TCTN1: variants seen among roughly 807,000 people sequenced by gnomAD.
The protein encoded by TCTN1 is tectonic-1.
TCTN1 carries 58 observed loss-of-function variants against 65.8 expected under a neutral mutation model. The ratio of observed to expected loss-of-function variants is 0.88; its 90% confidence interval spans 0.71 to 1.10. The LOEUF (loss-of-function observed/expected upper bound fraction) is 1.10. Ranked by LOEUF, TCTN1 falls within the 50% of genes least tolerant of loss-of-function variation. TCTN1 has a pLI of 0.00. For missense variants in TCTN1, 645 were observed against 719.4 expected, an observed-to-expected ratio of 0.90 and a Z score of 1.18; for synonymous variants, 273 against 289.1, an observed-to-expected ratio of 0.94 and a Z score of 0.57.
chr12:110,634,106 A>G (rs755160404), intron 5 of TCTN1, among the ~76,000 whole-genome samples: 8 of 152,224 alleles, frequency 5.3e-5, no homozygotes, highest in Non-Finnish European at 1.0e-4. Context: ...AGTAAACAAA[A>G]TGAGGGGCAG....
At chr12:110,628,401 C>T (rs866897922) in intron 3 of TCTN1, among the ~76,000 whole-genome samples, 29 of 148,828 alleles carry the variant, frequency 1.9e-4, no homozygotes, top group African/African-American at 4.7e-4. Context: ...AGTGCAGTGG[C>T]GCTATCTCAG....
chr12:110,645,187 A>G (rs2067216595), intron 12 of TCTN1, 58 bp downstream of exon 12: 11 of 1,605,248 alleles, frequency 6.9e-6, no homozygotes, highest in African/African-American at 4.0e-5. Flanking sequence ...AGGTGGTGTG[A>G]TGAAGGCAGC....
rs756339282 is a variant in TCTN1, at chr12:110,644,652, TG to T, written c.1332-312del. The T allele has an allele frequency of 2.2e-5, 8 of 366,800 alleles. No homozygotes were observed. The highest frequency in any genetic ancestry group is 4.2e-5 in the Non-Finnish European group (8 of 191,306). 22.7% of individuals were successfully genotyped at this position (366,800 alleles called of 1,614,324 possible). On this transcript the variant is annotated intron_variant, in intron 11 of 14. Coordinates refer to ENST00000397659, the MANE Select transcript of TCTN1 (RefSeq NM_001082538.3). This position sits in a 1 kb window ranked among gnomAD's most constrained non-coding sequence, Gnocchi z 4.6. ...AAGATTGCCTCACTGTACTCCAGCC[TG>T]GGCAACAGAGCAAACTCCATCTCAA...
chr12:110,618,564 A>G (rs1216739266), intron 1 of TCTN1, among the ~76,000 whole-genome samples: 1 of 152,030 alleles, frequency 6.6e-6, no homozygotes, highest in African/African-American at 2.4e-5. Context: ...TAATAGAGAC[A>G]GGGTTTAACC....
At chr12:110,620,966 C>T (rs1004593556) in intron 2 of TCTN1, among the ~76,000 whole-genome samples, 1 of 152,048 alleles carries the variant, frequency 6.6e-6, no homozygotes, top group South Asian at 2.1e-4. Context: ...GTGCACGCCA[C>T]GATGCCTGGC....
At position 110,640,312 on chromosome 12, in the gene TCTN1, A is replaced by C. The variant is rs2066868864; in HGVS notation, c.844-71A>C. ...CATATATCAGGGGAGGTTTCTTTCC[A>C]GTTGGTTGGTTATTTTAGCCCATCC... On this transcript the variant is annotated intron_variant, in intron 7 of 14. Transcript: ENST00000397659. This position sits in a 1 kb window ranked among gnomAD's most constrained non-coding sequence, Gnocchi z 4.9. The C allele has an allele frequency of 6.2e-7, 1 of 1,603,834 alleles. No homozygotes were observed. The highest frequency in any genetic ancestry group is 1.7e-5 in the Admixed American group (1 of 59,686).
chr12:110,647,297 C>T lies in TCTN1; in HGVS notation c.1596C>T (p.Val532=), dbSNP rs1480734399. The T allele has an allele frequency of 6.2e-7, 1 of 1,614,058 alleles. No homozygotes were observed. Among genetic ancestry groups the T allele is most frequent in the African/African-American group, 1.3e-5 (1 of 74,926 alleles). The change falls in exon 13 of 15, where the codon GTC becomes GTT. Residue 532 remains valine, a synonymous_variant. Coordinates refer to ENST00000397659, the MANE Select transcript of TCTN1 (RefSeq NM_001082538.3). The part of the protein sequence containing the change: ...GSLLNPQAKI[V]NVTANLISSS... ...TGCTGAATCCACAGGCCAAAATAGTCAATGTAACTGCAAATCTAATTTCAT... is the reference window on the plus strand; with the variant it reads ...TGCTGAATCCACAGGCCAAAATAGTTAATGTAACTGCAAATCTAATTTCAT...
At chr12:110,622,896 G>A (rs1031052797) in intron 2 of TCTN1, among the ~76,000 whole-genome samples, 3 of 152,134 alleles carry the variant, frequency 2.0e-5, no homozygotes, top group East Asian at 1.9e-4. Context: ...TTGCAGATGC[G>A]GATTAACGGT....
chr12:110,631,846 T>G (rs2066258555), intron 4 of TCTN1, among the ~76,000 whole-genome samples: 1 of 152,176 alleles, frequency 6.6e-6, no homozygotes, highest in Admixed American at 6.5e-5. Flanking sequence ...AATTTAAATA[T>G]TGATACCAGA....
At chr12:110,617,888 C>T (rs1188665586) in intron 1 of TCTN1, among the ~76,000 whole-genome samples, 4 of 152,088 alleles carry the variant, frequency 2.6e-5, no homozygotes, top group African/African-American at 7.2e-5. Context: ...ATCCACCTGC[C>T]TCAGCCTCCC....
rs894310089 is a variant in TCTN1 at position 110,644,756 on chromosome 12, G to A, written c.1332-211G>A. On this transcript the variant is annotated intron_variant, in intron 11 of 14. Coordinates refer to ENST00000397659, the MANE Select transcript of TCTN1 (RefSeq NM_001082538.3). This position sits in a 1 kb window ranked among gnomAD's most constrained non-coding sequence, Gnocchi z 4.6. Reference sequence around the variant, plus strand: ...GGGCTGGGTGTGGTGGCTCACTCCTGTAGTCCCAGCACTCTGGGAGGATTG... The same window carrying A: ...GGGCTGGGTGTGGTGGCTCACTCCTATAGTCCCAGCACTCTGGGAGGATTG... The A allele has an allele frequency of 1.3e-5, 8 of 625,282 alleles. No homozygotes were observed. The highest frequency in any genetic ancestry group is 2.7e-5 in the Admixed American group (1 of 36,934). 38.7% of individuals were successfully genotyped at this position (625,282 alleles called of 1,614,324 possible).
At chr12:110,617,729 C>T (rs1363880852) in intron 1 of TCTN1, among the ~76,000 whole-genome samples, 4 of 151,816 alleles carry the variant, frequency 2.6e-5, no homozygotes, top group Admixed American at 2.6e-4. Context: ...CAAACTCTGC[C>T]TCCTGGGTTC....
At chr12:110,632,395 C>A in intron 4 of TCTN1, 77 bp from the exon 5 acceptor site, 1 of 1,475,576 alleles carries the variant, frequency 6.8e-7, no homozygotes, top group Non-Finnish European at 9.5e-7. Context: ...TGCTGCTTGG[C>A]ACATTGTGGG....
chr12:110,627,327 C>T (rs1263562099), intron 3 of TCTN1, among the ~76,000 whole-genome samples: 1 of 152,076 alleles, frequency 6.6e-6, no homozygotes, highest in Non-Finnish European at 1.5e-5. Flanking sequence ...AAACTCCTGA[C>T]CTTAAATGAT....
At chr12:110,632,427 A>G (rs2066294744) in intron 4 of TCTN1, 45 bp from the exon 5 acceptor site, 2 of 1,604,182 alleles carry the variant, frequency 1.2e-6, no homozygotes, top group South Asian at 1.1e-5. Context: ...TGTTGAATGA[A>G]TACTTTAATT....
intron 4 of TCTN1, chr12:110,630,053 T>C (rs1180680480): frequency 1.3e-5 from 2 of 151,914 alleles, no homozygotes; most frequent in African/African-American, 2.4e-5. Flanking sequence ...GAGGGGAACA[T>C]CACACACAGG....
chr12:110,617,196 G>A (rs1157387058), intron 1 of TCTN1, among the ~76,000 whole-genome samples: 1 of 152,144 alleles, frequency 6.6e-6, no homozygotes, highest in African/African-American at 2.4e-5. Flanking sequence ...TAGGCACATA[G>A]AAGAGTTCTC....
At chr12:110,634,987 A>AT (rs763351241) in intron 6 of TCTN1, among the ~76,000 whole-genome samples, 1 of 151,916 alleles carries the variant, frequency 6.6e-6, no homozygotes, top group Non-Finnish European at 1.5e-5. Flanking sequence ...GCTTTTGTTG[A>AT]TTTTTTTCTT....
Position 110,645,776 on chromosome 12 carries a change from G to A in TCTN1, c.1494+647G>A, listed in dbSNP as rs529714160. On this transcript the variant is annotated intron_variant, in intron 12 of 14. Coordinates refer to ENST00000397659, the MANE Select transcript of TCTN1 (RefSeq NM_001082538.3). Reference sequence around the variant, plus strand: ...GCGTGTGGGCCGGCCCTGGCCCAGGGGCGTGCTCTCCATCTTAGCCTGTAA... The same window carrying A: ...GCGTGTGGGCCGGCCCTGGCCCAGGAGCGTGCTCTCCATCTTAGCCTGTAA... The A allele has an allele frequency of 3.9e-5, 6 of 155,592 alleles. No homozygotes were observed. The South Asian group carries it at 1.2e-3, about 31-fold the overall frequency. The allele number at this position is 155,592 out of a possible 1,614,324, so 9.6% of individuals were successfully genotyped here. A position where few individuals can be genotyped will look rare whatever the true frequency, so the allele number is the denominator to read the frequency against.
Sources: gnomAD v4.1 joint callset for allele counts (sites outside exome capture counted in the v4.1 genomes callset) on GRCh38, gnomAD v4.1.1 for gene constraint, Gnocchi (gnomAD v3.1) non-coding constraint, MANE v1.5 for transcripts, NCBI Gene and HGNC (gene_info 2026-07-23, HGNC 2026-07-21) for gene names.